The following CD163L1 variants were observed in gnomAD, a reference collection of about 807,000 sequenced individuals.
CD163L1 encodes the protein scavenger receptor cysteine-rich type 1 protein M160.
In CD163L1, 124 loss-of-function variants were observed where a neutral mutation model predicts 165.4. That is an observed-to-expected ratio of 0.75 (90% CI 0.65 to 0.87). The LOEUF (loss-of-function observed/expected upper bound fraction) is 0.87, where lower values mean the gene tolerates loss of function less well. Among genes scored for constraint, CD163L1 ranks in the 40% least tolerant of loss-of-function variants. The pLI, the probability that CD163L1 is intolerant of heterozygous loss-of-function variation, is 0.00. For synonymous variants in CD163L1, 585 were observed against 662.2 expected (o/e 0.88, Z 1.79); for missense variants, 1,525 against 1,799.9 (o/e 0.85, Z 2.76).
At chr12:7,333,115 G>C in the CD163L1 span, among the ~76,000 whole-genome samples, 1 of 152,068 alleles carries the variant, frequency 6.6e-6, no homozygotes, top group African/African-American at 2.4e-5. Flanking sequence ...CCCAGGAATT[G>C]AACTCAGCTC....
chr12:7,441,100 G>A, intron 2 of CD163L1, 54 bp downstream of exon 2: 1 of 1,265,364 alleles, frequency 7.9e-7, no homozygotes, highest in Non-Finnish European at 1.2e-6. Context: ...GTGAGTAGGG[G>A]AAAGGTAGAA....
At chr12:7,436,716 TAAC>T (rs60599331) in intron 2 of CD163L1, among the ~76,000 whole-genome samples, 74,327 of 151,658 alleles carry the variant, frequency 0.49, 22,461 homozygotes, top group Non-Finnish European at 0.69. Flanking sequence ...TCCACTTTAA[TAAC>T]AATAAAATTT....
chr12:7,443,956 ACTTT>A, intron 1 of CD163L1, 137 bp downstream of exon 1: 2 of 773,494 alleles, frequency 2.6e-6, no homozygotes, highest in Middle Eastern at 5.0e-4. Flanking sequence ...GTTCCACAAA[ACTTT>A]CAATTTTTTT....
chr12:7,426,286 T>C (rs1591962276), intron 4 of CD163L1, among the ~76,000 whole-genome samples: 1 of 152,046 alleles, frequency 6.6e-6, no homozygotes, highest in African/African-American at 2.4e-5. Flanking sequence ...CACTTGGGCA[T>C]GTCTGGGAAT....
chr12:7,396,547 A>G, intron 7 of CD163L1, 132 bp from the exon 8 acceptor site: 2 of 856,624 alleles, frequency 2.3e-6, no homozygotes, highest in Non-Finnish European at 3.5e-6. Context: ...GTATTTTTTC[A>G]GATGTGATTA....
At chr12:7,342,109 A>G (rs921483988), downstream of CD163L1, among the ~76,000 whole-genome samples, 1 of 152,172 alleles carries the variant, frequency 6.6e-6, no homozygotes, top group Non-Finnish European at 1.5e-5. Context: ...ATGTGTTGGG[A>G]ACAGGCCCCC....
intron 5 of CD163L1, among the ~76,000 whole-genome samples, chr12:7,405,557 G>A (rs755348286): frequency 2.4e-4 from 37 of 152,080 alleles, no homozygotes; most frequent in Non-Finnish European, 4.4e-4. Context: ...TAAATCCCGT[G>A]GCTAAGGTAC....
Position 7,406,548 on chromosome 12 carries a change from C to G in CD163L1, c.1071G>C (p.Val357=). Residue 357 remains valine (V), a synonymous_variant, in exon 5 of 20, where the codon GTG becomes GTC. Coordinates refer to ENST00000313599, the MANE Select transcript of CD163L1 (RefSeq NM_174941.6). ...VNFDCLHQND[V]SVICSDGADL... The stretch of plus-strand genomic sequence containing the variant: ...AAGTCTTACCTGAGCAGATCACAGA[C>G]ACATCGTTTTGATGAAGACAGTCAA... 6.2e-7 allele frequency: 1 copy of G among 1,613,994 alleles called. No individual in the cohort carries two copies. Among genetic ancestry groups the G allele is most frequent in the Non-Finnish European group, 8.5e-7 (1 of 1,179,950 alleles).
chr12:7,443,817 T>G (rs920402939), intron 1 of CD163L1, among the ~76,000 whole-genome samples: 2 of 152,176 alleles, frequency 1.3e-5, no homozygotes, highest in African/African-American at 4.8e-5. Context: ...CTTCTTTCTA[T>G]TTCCACAACT....
At chr12:7,352,323 A>T (rs979071100), downstream of CD163L1, among the ~76,000 whole-genome samples, 3 of 152,146 alleles carry the variant, frequency 2.0e-5, no homozygotes, top group African/African-American at 7.2e-5. Context: ...CTTTGGCTTT[A>T]GTGCTGGGGT....
intron 18 of CD163L1, among the ~76,000 whole-genome samples, chr12:7,360,964 C>T (rs74239590): frequency 6.8e-6 from 1 of 147,848 alleles, no homozygotes; most frequent in Non-Finnish European, 1.5e-5. Context: ...TTTGGTTTTG[C>T]TTTGTTTTGT....
At chr12:7,440,981 A>G (rs1376756792) in intron 2 of CD163L1, among the ~76,000 whole-genome samples, 173 bp downstream of exon 2, 1 of 152,232 alleles carries the variant, frequency 6.6e-6, no homozygotes. Context: ...AAAATGTAAT[A>G]TGAAATGCAT....
chr12:7,324,020 A>G, the CD163L1 span, among the ~76,000 whole-genome samples: 1 of 152,102 alleles, frequency 6.6e-6, no homozygotes, highest in East Asian at 1.9e-4. Flanking sequence ...CTACAAAAAC[A>G]TAATACGGTT....
the CD163L1 span, chr12:7,323,349 G>A: frequency 6.4e-4 from 1,028 of 1,600,842 alleles, 8 homozygotes; most frequent in African/African-American, 9.9e-3. Context: ...GTTCAGTAAA[G>A]GAGAGAGAAC....
chr12:7,364,413 A>G (rs1194491573), intron 18 of CD163L1, among the ~76,000 whole-genome samples: 1 of 152,158 alleles, frequency 6.6e-6, no homozygotes, highest in African/African-American at 2.4e-5. Context: ...ACATTTATTC[A>G]ACATAATACT....
Position 7,369,267 on chromosome 12 carries a change from C to A in CD163L1, c.4039+90G>T. The A allele has an allele frequency of 7.4e-7, 1 of 1,344,334 alleles. No individual in the cohort carries two copies. Among genetic ancestry groups the A allele is most frequent in the Non-Finnish European group, 1.0e-6 (1 of 968,584 alleles). The allele number at this position is 1,344,334 out of a possible 1,614,324, so 83.3% of individuals were successfully genotyped here. On this transcript the variant is annotated intron_variant, in intron 15 of 19. Coordinates refer to ENST00000313599, the MANE Select transcript of CD163L1 (RefSeq NM_174941.6). This position sits in a 1 kb window ranked among gnomAD's most constrained non-coding sequence, Gnocchi z 4.9. ...ATTCTTCAACAAGAAATCCTAGTAT[C>A]TTCAGCTCAACTCTCTGAGTGAGCC...
chr12:7,344,139 T>C (rs1946654273), downstream of CD163L1, among the ~76,000 whole-genome samples: 1 of 151,584 alleles, frequency 6.6e-6, no homozygotes, highest in Non-Finnish European at 1.5e-5. Context: ...TGTAGTGCAG[T>C]GGGTTATCGT....
chr12:7,369,694 T>C lies in CD163L1; in HGVS notation c.3731-29A>G. 3.1e-6 allele frequency: 5 copies of C among 1,591,126 alleles called. No individual in the cohort carries two copies. The highest frequency in any genetic ancestry group is 4.3e-6 in the Non-Finnish European group (5 of 1,163,592). On this transcript the variant is annotated intron_variant, in intron 14 of 19. Transcript: ENST00000313599. This position sits in a 1 kb window ranked among gnomAD's most constrained non-coding sequence, Gnocchi z 4.9. ...CAAAGGCACAAAACATGGCTGTCTT[T>C]ACTCCTGAAGGAGGTTGTGGGAGAA...
At chr12:7,433,911 G>A (rs1463790013) in intron 2 of CD163L1, among the ~76,000 whole-genome samples, 1 of 152,154 alleles carries the variant, frequency 6.6e-6, no homozygotes, top group Non-Finnish European at 1.5e-5. Flanking sequence ...GCTTTGCATT[G>A]TAATGTGAAA....
Sources: allele counts gnomAD v4.1 joint callset (sites outside exome capture counted in the v4.1 genomes callset), GRCh38; gene constraint gnomAD v4.1.1; non-coding constraint Gnocchi (gnomAD v3.1); transcripts MANE v1.5; gene names NCBI Gene and HGNC (gene_info 2026-07-23, HGNC 2026-07-21).